The following TANC1 variants were observed in gnomAD, a reference collection of about 807,000 sequenced individuals.
TANC1 encodes protein TANC1.
TANC1 carries 77 observed loss-of-function variants against 149.7 expected under a neutral mutation model. The observed-to-expected ratio is 0.51, with a 90% confidence interval of 0.43 to 0.62. TANC1 has a LOEUF of 0.62. Among genes scored for constraint, TANC1 ranks in the 20% least tolerant of loss-of-function variants. The pLI is 0.00. For missense variants in TANC1, 1,985 were observed against 2,321.8 expected, an observed-to-expected ratio of 0.85 and a Z score of 2.98; for synonymous variants, 854 against 925.0, an observed-to-expected ratio of 0.92 and a Z score of 1.39.
Position 159,058,099 on chromosome 2 carries a change from G to C in TANC1, c.-15-7797G>C, listed in dbSNP as rs548480936. ...GCCTTGCACAGTAGCCATTGGCCTG[G>C]GAGACATCATGATTATTGCTGGAAA... is the stretch of plus-strand genomic sequence containing the variant. On this transcript the variant is annotated intron_variant, in intron 2 of 26. Coordinates refer to ENST00000263635, the MANE Select transcript of TANC1 (RefSeq NM_033394.3). Among the ~76,000 whole-genome samples, 3 of 152,262 alleles carry C rather than the reference G, an allele frequency of 2.0e-5. No homozygotes were observed. The South Asian group carries it at 6.2e-4, about 32-fold the overall frequency.
At chr2:159,193,712 C>A (rs922755599) in intron 16 of TANC1, among the ~76,000 whole-genome samples, 5 of 152,052 alleles carry the variant, frequency 3.3e-5, no homozygotes, top group Non-Finnish European at 7.4e-5. Flanking sequence ...TTAGTAGAGA[C>A]GGGGTTTCAC....
chr2:159,093,578 G>A (rs2045771871), intron 3 of TANC1, among the ~76,000 whole-genome samples: 1 of 152,162 alleles, frequency 6.6e-6, no homozygotes, highest in Non-Finnish European at 1.5e-5. Context: ...TGTGCTTCCT[G>A]TTCATACATA....
chr2:159,103,217 T>C lies in TANC1; in HGVS notation c.259+5383T>C, dbSNP rs1421306551. ...TTCCAACAGGAATACTTTTGTCCAGTGATATTTACAAACATCTCTGATATC... is the reference window on the plus strand; with the variant it reads ...TTCCAACAGGAATACTTTTGTCCAGCGATATTTACAAACATCTCTGATATC... On this transcript the variant is annotated intron_variant, in intron 4 of 26. Transcript: ENST00000263635. 1.7e-4 allele frequency among the ~76,000 whole-genome samples: 16 copies of C among 95,790 alleles called. 4 individuals carry two copies. The highest frequency in any genetic ancestry group is 4.3e-4 in the African/African-American group (15 of 34,534). 62.8% of individuals were successfully genotyped at this position (95,790 alleles called of 152,430 possible).
chr2:159,057,954 G>A (rs951682974), intron 2 of TANC1, among the ~76,000 whole-genome samples: 3 of 152,156 alleles, frequency 2.0e-5, no homozygotes, highest in Admixed American at 6.5e-5. Flanking sequence ...CTAGTTAGCC[G>A]TGTTTTGCTG....
At chr2:159,136,353 C>T in intron 5 of TANC1, 55 bp downstream of exon 5, 1 of 1,015,342 alleles carries the variant, frequency 9.8e-7, no homozygotes, top group Non-Finnish European at 1.6e-6. Context: ...TACAATGACA[C>T]TTCATTTCTG....
At chr2:158,970,093 C>T (rs750902158) in intron 1 of TANC1, among the ~76,000 whole-genome samples, 21 of 150,542 alleles carry the variant, frequency 1.4e-4, no homozygotes, top group Non-Finnish European at 2.8e-4. Flanking sequence ...GCTGAGATCG[C>T]TCGCTCTGGA....
intron 7 of TANC1, among the ~76,000 whole-genome samples, chr2:159,152,856 T>G (rs2053003785): frequency 6.6e-6 from 1 of 152,202 alleles, no homozygotes; most frequent in Non-Finnish European, 1.5e-5. Context: ...AGTGCCACAA[T>G]TTTTAAGGTA....
chr2:159,208,668 C>CA (rs1242309662), intron 19 of TANC1, among the ~76,000 whole-genome samples: 2 of 152,242 alleles, frequency 1.3e-5, no homozygotes, highest in African/African-American at 4.8e-5. Context: ...TACTTGGCTC[C>CA]AGCCAGGCTG....
At chr2:159,004,143 G>A in intron 2 of TANC1, 4 of 1,612,230 alleles carry the variant, frequency 2.5e-6, no homozygotes, top group South Asian at 1.1e-5. Context: ...AATGCTTCCT[G>A]GAATATTAAG....
intron 2 of TANC1, among the ~76,000 whole-genome samples, chr2:159,020,092 A>G (rs902292913): frequency 2.6e-5 from 4 of 152,158 alleles, no homozygotes; most frequent in Non-Finnish European, 5.9e-5. Context: ...CTTTGAATTA[A>G]CAATTCTGAC....
chr2:159,155,006 A>G (rs760546937), intron 7 of TANC1, among the ~76,000 whole-genome samples: 2 of 152,210 alleles, frequency 1.3e-5, no homozygotes, highest in Admixed American at 1.3e-4. Context: ...TTACAAATGG[A>G]AACTGTAAGC....
intron 2 of TANC1, among the ~76,000 whole-genome samples, chr2:159,026,521 T>C (rs922080823): frequency 6.6e-6 from 1 of 152,210 alleles, no homozygotes; most frequent in Admixed American, 6.5e-5. Flanking sequence ...ACTGAATACC[T>C]GAGACTCAGC....
At chr2:159,141,202 T>C (rs2051337176) in intron 5 of TANC1, among the ~76,000 whole-genome samples, 1 of 152,184 alleles carries the variant, frequency 6.6e-6, no homozygotes, top group South Asian at 2.1e-4. Flanking sequence ...ACTTGCTGGT[T>C]CATAGACAGC....
At chr2:158,988,032 A>G (rs1056525444) in intron 1 of TANC1, among the ~76,000 whole-genome samples, 1 of 152,148 alleles carries the variant, frequency 6.6e-6, no homozygotes, top group African/African-American at 2.4e-5. Flanking sequence ...ATGGTTATCA[A>G]GAAAAAGTGG....
At chr2:159,037,296 T>TC (rs762424096) in intron 2 of TANC1, among the ~76,000 whole-genome samples, 3 of 152,324 alleles carry the variant, frequency 2.0e-5, no homozygotes, top group Non-Finnish European at 4.4e-5. Context: ...AAAAATTTTC[T>TC]CCCATTCTGT....
rs1319623513 is a variant in TANC1 at position 159,229,518 on chromosome 2, GTTACACTC to G, written c.4152-58_4152-51del. 3.0e-6 allele frequency: 4 copies of G among 1,345,676 alleles called. No homozygotes were observed. In the African/African-American group the frequency reaches 5.8e-5, roughly 20 times the overall value. 83.4% of individuals were successfully genotyped at this position (1,345,676 alleles called of 1,614,324 possible). On this transcript the variant is annotated intron_variant, in intron 26 of 26. Transcript: ENST00000263635. Reference sequence around the variant, plus strand: ...TTTGAGCACAGCTCTTTTATGAACAGTTACACTCTGAGCATGTTCGTGTGTGGTTTGTA... The same window carrying G: ...TTTGAGCACAGCTCTTTTATGAACAGTGAGCATGTTCGTGTGTGGTTTGTA...
intron 23 of TANC1, chr2:159,225,294 C>A: frequency 3.8e-6 from 1 of 261,606 alleles, no homozygotes. Context: ...CATGACATCT[C>A]GGAGTACAGC....
chr2:159,112,609 C>T (rs1270741262), intron 4 of TANC1, among the ~76,000 whole-genome samples: 1 of 145,712 alleles, frequency 6.9e-6, no homozygotes, highest in Non-Finnish European at 1.5e-5. Context: ...TGCTTTGTCG[C>T]TCAGCTGGAG....
chr2:159,097,710 T>C lies in TANC1; in HGVS notation c.135T>C (p.Leu45=). ...DHSADSPVSS[L]PTAEDTYRVS... is the part of the protein sequence containing the mutation. Reference sequence around the variant, plus strand: ...GTGCTGACTCTCCTGTGAGCAGTCTTCCCACAGCAGAGGACACCTATAGGG... The same window carrying C: ...GTGCTGACTCTCCTGTGAGCAGTCTCCCCACAGCAGAGGACACCTATAGGG... The change falls in exon 4 of 27, where the codon CTT becomes CTC. Residue 45 remains leucine (L), a synonymous_variant. Coordinates refer to ENST00000263635, the MANE Select transcript of TANC1 (RefSeq NM_033394.3). 6.2e-7 allele frequency: 1 copy of C among 1,614,136 alleles called. No individual in the cohort carries two copies. Among genetic ancestry groups the C allele is most frequent in the Non-Finnish European group, 8.5e-7 (1 of 1,179,994 alleles).
Sources: gnomAD v4.1 joint callset for allele counts (sites outside exome capture counted in the v4.1 genomes callset) on GRCh38, gnomAD v4.1.1 for gene constraint, MANE v1.5 for transcripts, NCBI Gene and HGNC (gene_info 2026-07-23, HGNC 2026-07-21) for gene names.